Variants in TMOD3 observed in about 807,000 individuals in gnomAD.
TMOD3 encodes the protein tropomodulin 3.
TMOD3 carries 20 observed loss-of-function variants against 39.2 expected under a neutral mutation model. The observed-to-expected ratio is 0.51, with a 90% confidence interval of 0.36 to 0.74. TMOD3 has a LOEUF of 0.74. Ranked by LOEUF, TMOD3 falls within the 30% of genes least tolerant of loss-of-function variation. The pLI is 0.00. For missense variants in TMOD3, 381 were observed against 412.8 expected (o/e 0.92, Z 0.67); for synonymous variants, 143 against 145.8 (o/e 0.98, Z 0.14).
intron 1 of TMOD3, chr15:51,861,338 A>C: frequency 9.0e-6 from 2 of 221,584 alleles, no homozygotes; most frequent in Admixed American, 9.8e-5. Flanking sequence ...AACCGCGAAC[A>C]CGTGCAGGAA....
rs1195714780 is a variant in TMOD3, at chr15:51,913,141, C to CT, written c.*4336dup. 1 of 151,662 alleles carries CT rather than the reference C, an allele frequency of 6.6e-6. No individual in the cohort carries two copies. The highest frequency in any genetic ancestry group is 1.5e-5 in the Non-Finnish European group (1 of 67,962). The allele number at this position is 151,662 out of a possible 1,614,324, so 9.4% of individuals were successfully genotyped here. On this transcript the variant is annotated 3_prime_UTR_variant, in exon 10 of 10. Transcript: ENST00000308580. ...GGCGTCCGCCACCACGCCCGGATAA[C>CT]TTTTTGTATTTTTAATAGAGACGGG...
At chr15:51,849,615 T>G (rs1463182572) in intron 1 of TMOD3, among the ~76,000 whole-genome samples, 1 of 152,106 alleles carries the variant, frequency 6.6e-6, no homozygotes, top group African/African-American at 2.4e-5. Context: ...AAGTGTTTTA[T>G]GGCCAGACAC....
chr15:51,865,903 A>ATATAT (rs1555386229), intron 2 of TMOD3, among the ~76,000 whole-genome samples: 1 of 151,684 alleles, frequency 6.6e-6, no homozygotes, highest in Non-Finnish European at 1.5e-5. Context: ...CCAAAAAAAA[A>ATATAT]ATATATATAT....
intron 1 of TMOD3, among the ~76,000 whole-genome samples, chr15:51,838,827 C>T (rs1296922258): frequency 3.9e-5 from 6 of 152,086 alleles, no homozygotes; most frequent in African/African-American, 1.4e-4. Context: ...ATGGTAGTGC[C>T]TCCAGACTTG....
At chr15:51,855,120 ATATT>A (rs2141678359) in intron 1 of TMOD3, among the ~76,000 whole-genome samples, 1 of 152,352 alleles carries the variant, frequency 6.6e-6, no homozygotes, top group East Asian at 1.9e-4. Flanking sequence ...ACTTTGGGGA[ATATT>A]TAAACAAATT....
rs549305130 is a variant in TMOD3 at position 51,874,157 on chromosome 15, G to T, written c.283+4784G>T. Among the ~76,000 whole-genome samples the T allele has an allele frequency of 9.9e-5, 15 of 152,192 alleles. No homozygotes were observed. The East Asian group carries it at 1.5e-3, about 16-fold the overall frequency. ...GTTTTTCCTTTTGACCAATATAAAA[G>T]TAAATATTCATGCCAAATTTTATTT... On this transcript the variant is annotated intron_variant, in intron 3 of 9. Transcript: ENST00000308580.
At chr15:51,902,382 G>A (rs959825016) in intron 9 of TMOD3, among the ~76,000 whole-genome samples, 2 of 152,108 alleles carry the variant, frequency 1.3e-5, no homozygotes, top group African/African-American at 4.8e-5. Context: ...TTAATCAAGC[G>A]GACCCAGATA....
chr15:51,881,650 C>T (rs968826067), intron 3 of TMOD3, among the ~76,000 whole-genome samples: 1 of 148,756 alleles, frequency 6.7e-6, no homozygotes, highest in Non-Finnish European at 1.5e-5. Context: ...CAACCTCCGC[C>T]TCCTGGGTTC....
At chr15:51,889,922 A>G (rs1419112012) in intron 5 of TMOD3, among the ~76,000 whole-genome samples, 1 of 152,158 alleles carries the variant, frequency 6.6e-6, no homozygotes, top group African/African-American at 2.4e-5. Flanking sequence ...ATGCCTTTGT[A>G]GCACATTTAA....
intron 3 of TMOD3, among the ~76,000 whole-genome samples, chr15:51,871,618 C>T (rs2056475148): frequency 6.6e-6 from 1 of 152,052 alleles, no homozygotes; most frequent in Non-Finnish European, 1.5e-5. Flanking sequence ...TCATAATCTC[C>T]AGTTACCTAG....
At chr15:51,858,815 T>A (rs959354792) in intron 1 of TMOD3, among the ~76,000 whole-genome samples, 5 of 152,132 alleles carry the variant, frequency 3.3e-5, no homozygotes, top group Admixed American at 2.6e-4. Flanking sequence ...ATTTAGGACT[T>A]ATGGTAGGTC....
intron 9 of TMOD3, among the ~76,000 whole-genome samples, chr15:51,906,247 C>G (rs2056680222): frequency 1.3e-5 from 2 of 152,174 alleles, no homozygotes; most frequent in Non-Finnish European, 2.9e-5. Flanking sequence ...ACCATGTTTT[C>G]TGACATATTG....
chr15:51,889,052 A>G lies in TMOD3; in HGVS notation c.407-4A>G. On this transcript the variant is annotated splice_polypyrimidine_tract_variant and splice_region_variant and intron_variant, in intron 4 of 9. Transcript: ENST00000308580. ...ATAAAAACTTTCTTTTTCTGTATTTATAGCAATTCTTGGGATGCACAATTT... is the reference window on the plus strand; with the variant it reads ...ATAAAAACTTTCTTTTTCTGTATTTGTAGCAATTCTTGGGATGCACAATTT... 1 of 1,560,576 alleles carries G rather than the reference A, an allele frequency of 6.4e-7. No individual in the cohort carries two copies. The highest frequency in any genetic ancestry group is 8.7e-7 in the Non-Finnish European group (1 of 1,153,942).
intron 2 of TMOD3, among the ~76,000 whole-genome samples, chr15:51,863,975 A>G (rs1052007476): frequency 6.6e-6 from 1 of 152,186 alleles, no homozygotes; most frequent in African/African-American, 2.4e-5. Context: ...CAAATGTTTT[A>G]GAACTGGAAA....
chr15:51,907,624 A>G (rs1371727535), intron 9 of TMOD3, among the ~76,000 whole-genome samples: 1 of 152,212 alleles, frequency 6.6e-6, no homozygotes, highest in Non-Finnish European at 1.5e-5. Flanking sequence ...AGTACACACT[A>G]CAGAAGTGAC....
chr15:51,857,833 A>G (rs1386723523), intron 1 of TMOD3, among the ~76,000 whole-genome samples: 1 of 151,958 alleles, frequency 6.6e-6, no homozygotes, highest in East Asian at 1.9e-4. Context: ...TCTTACCCTT[A>G]TCTGTCTGAA....
chr15:51,901,572 A>AGT (rs57976840), intron 8 of TMOD3: 10,155 of 184,430 alleles, frequency 0.055, 261 homozygotes, highest in African/African-American at 0.088. Flanking sequence ...TAAAAAGTTT[A>AGT]GTGTGTGTGT....
chr15:51,906,648 T>G (rs1459965480), intron 9 of TMOD3, among the ~76,000 whole-genome samples: 2 of 152,222 alleles, frequency 1.3e-5, no homozygotes, highest in Non-Finnish European at 1.5e-5. Context: ...ATAACATGCA[T>G]TATAGCATCT....
intron 1 of TMOD3, chr15:51,858,025 A>G (rs986233625): frequency 2.0e-5 from 3 of 152,192 alleles, no homozygotes; most frequent in African/African-American, 4.8e-5. Context: ...GAGAAAATAT[A>G]CTGTAAATAT....
Sources: gnomAD v4.1 joint callset for allele counts (sites outside exome capture counted in the v4.1 genomes callset) on GRCh38, gnomAD v4.1.1 for gene constraint, MANE v1.5 for transcripts, NCBI Gene and HGNC (gene_info 2026-07-23, HGNC 2026-07-21) for gene names.